Variants in POU2F1 observed in about 807,000 individuals in gnomAD.
POU2F1 encodes the protein POU class 2 homeobox 1, also known as POU domain, class 2, transcription factor 1.
In POU2F1, 16 loss-of-function variants were observed where a neutral mutation model predicts 84.9. The observed-to-expected ratio is 0.19, with a 90% CI of 0.13 to 0.29. The LOEUF (loss-of-function observed/expected upper bound fraction) is 0.29. POU2F1 is among the 10% of genes least tolerant of loss of function. The pLI is 1.00. For missense variants in POU2F1, 738 were observed against 942.6 expected (o/e 0.78, Z 2.84); for synonymous variants, 368 against 368.3 (o/e 1.00, Z 0.01).
intron 1 of POU2F1, among the ~76,000 whole-genome samples, chr1:167,308,256 G>A (rs1376469876): frequency 2.0e-5 from 3 of 151,754 alleles, no homozygotes; most frequent in Non-Finnish European, 4.4e-5. Flanking sequence ...TAATAGAGAC[G>A]GGGTTTCATG....
chr1:167,233,481 G>T (rs974988401), intron 1 of POU2F1, among the ~76,000 whole-genome samples: 1 of 152,102 alleles, frequency 6.6e-6, no homozygotes, highest in Non-Finnish European at 1.5e-5. Context: ...GTGTTAGGAT[G>T]CCTGCAGTAC....
At chr1:167,310,331 A>G (rs1473078527) in intron 1 of POU2F1, among the ~76,000 whole-genome samples, 1 of 152,102 alleles carries the variant, frequency 6.6e-6, no homozygotes, top group Non-Finnish European at 1.5e-5. Flanking sequence ...ATCAGTAATC[A>G]CAAAGGAAGT....
At chr1:167,247,038 A>ATATG (rs1232636320) in intron 1 of POU2F1, among the ~76,000 whole-genome samples, 1 of 74,944 alleles carries the variant, frequency 1.3e-5, no homozygotes, top group African/African-American at 3.8e-5. Flanking sequence ...TTATATATAT[A>ATATG]TGTGTGTGTG....
At chr1:167,411,142 C>T (rs370246877) in intron 13 of POU2F1, among the ~76,000 whole-genome samples, 6 of 151,708 alleles carry the variant, frequency 4.0e-5, no homozygotes, top group Admixed American at 1.3e-4. Context: ...CAGGTTCAAG[C>T]GATTCTCCTG....
chr1:167,358,771 C>T (rs1659156867), intron 2 of POU2F1, among the ~76,000 whole-genome samples: 1 of 111,462 alleles, frequency 9.0e-6, no homozygotes, highest in Admixed American at 1.4e-4. Context: ...TCAGGCTGGT[C>T]TTGAACTCCT....
chr1:167,233,138 ATT>A (rs1203798759), intron 1 of POU2F1, among the ~76,000 whole-genome samples: 3 of 140,542 alleles, frequency 2.1e-5, no homozygotes, highest in African/African-American at 2.6e-5. Flanking sequence ...TTATTTTTTA[ATT>A]TTTTTTTTTT....
chr1:167,386,517 A>T (rs1449786252), intron 8 of POU2F1, among the ~76,000 whole-genome samples: 2 of 152,148 alleles, frequency 1.3e-5, no homozygotes, highest in Non-Finnish European at 2.9e-5. Flanking sequence ...ATGTGCATGT[A>T]CCTTGTGACC....
At chr1:167,268,758 A>G (rs1035117938) in intron 1 of POU2F1, among the ~76,000 whole-genome samples, 2 of 152,166 alleles carry the variant, frequency 1.3e-5, no homozygotes, top group Non-Finnish European at 2.9e-5. Flanking sequence ...GTGGAGAGCA[A>G]TGCACACCGA....
At chr1:167,377,694 G>A (rs1193729900) in intron 7 of POU2F1, among the ~76,000 whole-genome samples, 1 of 152,140 alleles carries the variant, frequency 6.6e-6, no homozygotes, top group Non-Finnish European at 1.5e-5. Flanking sequence ...TTAGGTTCAG[G>A]GTTACACTCA....
intron 1 of POU2F1, among the ~76,000 whole-genome samples, chr1:167,254,692 T>C (rs1230516902): frequency 6.6e-6 from 1 of 152,232 alleles, no homozygotes; most frequent in Non-Finnish European, 1.5e-5. Flanking sequence ...GGATAATGTT[T>C]AGTTCTCATT....
intron 1 of POU2F1, among the ~76,000 whole-genome samples, chr1:167,258,913 A>G (rs571240653): frequency 1.3e-5 from 2 of 152,352 alleles, no homozygotes; most frequent in East Asian, 1.9e-4. Context: ...GTTCTTCTGC[A>G]AAAACTATTC....
rs376560493 is a variant in POU2F1 at position 167,381,902 on chromosome 1, G to A, written c.719-1955G>A. 2.6e-5 allele frequency among the ~76,000 whole-genome samples: 4 copies of A among 151,936 alleles called. No homozygotes were observed. The East Asian group carries it at 5.8e-4, about 22-fold the overall frequency. On this transcript the variant is annotated intron_variant, in intron 7 of 15. Coordinates refer to ENST00000367866, the MANE Select transcript of POU2F1 (RefSeq NM_002697.4). ...TGGGATTACACACATGAGCCACCGC[G>A]CCTGGCCCTCTCTTTTTTTATTATT...
At chr1:167,350,673 C>CAAAA (rs56240224) in intron 2 of POU2F1, among the ~76,000 whole-genome samples, 11 of 58,726 alleles carry the variant, frequency 1.9e-4, no homozygotes, top group African/African-American at 6.2e-4. Flanking sequence ...GACTCCATCT[C>CAAAA]AAAAAAAAAA....
At chr1:167,301,284 T>C (rs1654684309) in intron 1 of POU2F1, among the ~76,000 whole-genome samples, 1 of 152,222 alleles carries the variant, frequency 6.6e-6, no homozygotes, top group Admixed American at 6.5e-5. Context: ...TATCACTTGG[T>C]GATGGGCATT....
At chr1:167,334,883 T>G (rs968709443) in intron 2 of POU2F1, among the ~76,000 whole-genome samples, 2 of 152,230 alleles carry the variant, frequency 1.3e-5, no homozygotes, top group Admixed American at 6.5e-5. Flanking sequence ...CTTAACATTA[T>G]AGTAAAACTG....
chr1:167,402,456 G>A (rs6667971), intron 13 of POU2F1, among the ~76,000 whole-genome samples: 4 of 151,980 alleles, frequency 2.6e-5, no homozygotes, highest in Non-Finnish European at 4.4e-5. Flanking sequence ...AGAACATTTT[G>A]TTTATTGTTT....
intron 9 of POU2F1, among the ~76,000 whole-genome samples, chr1:167,392,198 A>G (rs552723049): frequency 5.3e-4 from 81 of 152,126 alleles, no homozygotes; most frequent in Admixed American, 1.2e-3. Context: ...AAAAAATACA[A>G]AAATTAGCCG....
intron 1 of POU2F1, among the ~76,000 whole-genome samples, chr1:167,289,568 TG>T (rs762448184): frequency 4.6e-5 from 7 of 152,218 alleles, no homozygotes; most frequent in Non-Finnish European, 8.8e-5. Flanking sequence ...TGAGTGAGTT[TG>T]GTGTACATTT....
At chr1:167,388,327 G>A (rs111497442) in intron 8 of POU2F1, among the ~76,000 whole-genome samples, 13 of 152,268 alleles carry the variant, frequency 8.5e-5, no homozygotes, top group East Asian at 1.9e-4. Flanking sequence ...AACTGCTAAC[G>A]TAAGTCATGT....
Sources: allele counts gnomAD v4.1 joint callset (sites outside exome capture counted in the v4.1 genomes callset), GRCh38; gene constraint gnomAD v4.1.1; transcripts MANE v1.5; gene names NCBI Gene and HGNC (gene_info 2026-07-23, HGNC 2026-07-21).